Variants in GRIN2B observed in about 807,000 individuals in gnomAD.
GRIN2B encodes the protein glutamate receptor ionotropic, NMDA 2B.
In GRIN2B, 5 loss-of-function variants were observed where a neutral mutation model predicts 114.5. That is an observed-to-expected ratio of 0.04 (90% CI 0.02 to 0.09). The LOEUF is 0.09. Among genes scored for constraint, GRIN2B ranks in the 10% least tolerant of loss-of-function variants. The pLI, the probability that GRIN2B is intolerant of heterozygous loss-of-function variation, is 1.00. For missense variants in GRIN2B, 1,108 were observed against 1,943.5 expected (o/e 0.57, Z 8.08); for synonymous variants, 787 against 745.1 (o/e 1.06, Z -0.92).
chr12:13,594,080 T>A (rs544202774), intron 10 of GRIN2B, among the ~76,000 whole-genome samples: 2 of 152,168 alleles, frequency 1.3e-5, no homozygotes, highest in South Asian at 4.2e-4. Flanking sequence ...TTGGTGGGAG[T>A]GTAAATTAGT....
rs1024667863 is a variant in GRIN2B, at chr12:13,564,924, T to A, written c.2599-285A>T. 1.4e-4 allele frequency among the ~76,000 whole-genome samples: 21 copies of A among 152,220 alleles called. No individual in the cohort carries two copies. Among genetic ancestry groups the A allele is most frequent in the South Asian group, 2.1e-4 (1 of 4,834 alleles). ...GGGACTGGAATCATAAGATATGGCA[T>A]TTTTGCCTCAGCTTCACTGTTGACT... On this transcript the variant is annotated intron_variant, in intron 13 of 13. Coordinates refer to ENST00000609686, the MANE Select transcript of GRIN2B (RefSeq NM_000834.5). This position sits in a 1 kb window ranked among gnomAD's most constrained non-coding sequence, Gnocchi z 4.8.
intron 4 of GRIN2B, among the ~76,000 whole-genome samples, chr12:13,736,757 T>A (rs1318742237): frequency 6.6e-6 from 1 of 152,156 alleles, no homozygotes; most frequent in African/African-American, 2.4e-5. Flanking sequence ...GGGCCAATCA[T>A]GCCTGTAATC....
Position 13,736,142 on chromosome 12 carries a change from G to T in GRIN2B, c.1010+17175C>A, listed in dbSNP as rs10772707. On this transcript the variant is annotated intron_variant, in intron 4 of 13. Transcript: ENST00000609686. Reference sequence around the variant, plus strand: ...TCATCTCCCATAGAAAAGCGGGGGGGGGGGGGGGTTGGCGGGAATAAACAG... The same window carrying T: ...TCATCTCCCATAGAAAAGCGGGGGGTGGGGGGGGTTGGCGGGAATAAACAG... 1.6e-5 allele frequency among the ~76,000 whole-genome samples: 2 copies of T among 128,606 alleles called. 1 individual carries two copies. Among genetic ancestry groups the T allele is most frequent in the South Asian group, 5.8e-4 (2 of 3,464 alleles). 84.4% of individuals were successfully genotyped at this position (128,606 alleles called of 152,430 possible). A position where few individuals can be genotyped will look rare whatever the true frequency, so the allele number is the denominator to read the frequency against.
chr12:13,722,173 T>C lies in GRIN2B; in HGVS notation c.1010+31144A>G, dbSNP rs188031037. Among the ~76,000 whole-genome samples, 7 of 152,202 alleles carry C rather than the reference T, an allele frequency of 4.6e-5. No individual in the cohort carries two copies. In the East Asian group the frequency reaches 1.4e-3, roughly 29 times the overall value. ...GGTGAGGAAGTAGAGAAAGCAGCTA[T>C]AGACAACTCTTTCAAGATGTTTTGC... On this transcript the variant is annotated intron_variant, in intron 4 of 13. Coordinates refer to ENST00000609686, the MANE Select transcript of GRIN2B (RefSeq NM_000834.5).
At chr12:13,708,792 C>G (rs1277541520) in intron 4 of GRIN2B, among the ~76,000 whole-genome samples, 1 of 152,044 alleles carries the variant, frequency 6.6e-6, no homozygotes, top group Non-Finnish European at 1.5e-5. Context: ...TCAGTGTACA[C>G]TAGTGTTTTC....
At chr12:13,725,090 T>C (rs1591697884) in intron 4 of GRIN2B, among the ~76,000 whole-genome samples, 1 of 152,130 alleles carries the variant, frequency 6.6e-6, no homozygotes, top group East Asian at 1.9e-4. Flanking sequence ...GCTCTGTGCC[T>C]ACCAAAAGCC....
At chr12:13,847,922 G>T (rs1275577198) in intron 3 of GRIN2B, among the ~76,000 whole-genome samples, 1 of 152,156 alleles carries the variant, frequency 6.6e-6, no homozygotes, top group South Asian at 2.1e-4. Flanking sequence ...TCCTCTGCCA[G>T]ATTCTCTTCT....
At chr12:13,612,277 C>T (rs150279970) in intron 8 of GRIN2B, among the ~76,000 whole-genome samples, 14 of 152,340 alleles carry the variant, frequency 9.2e-5, no homozygotes, top group African/African-American at 3.4e-4. Flanking sequence ...CTTGCAGATA[C>T]AGTCTTTCTC....
intron 5 of GRIN2B, among the ~76,000 whole-genome samples, chr12:13,636,661 G>C (rs552538537): frequency 6.6e-6 from 1 of 152,308 alleles, no homozygotes; most frequent in South Asian, 2.1e-4. Context: ...TTGGGCCCAA[G>C]CCACTGGGTG....
Position 13,783,926 on chromosome 12 carries a change from T to C in GRIN2B, c.412-30011A>G, listed in dbSNP as rs562512277. Among the ~76,000 whole-genome samples, 3 of 151,866 alleles carry C rather than the reference T, an allele frequency of 2.0e-5. No individual in the cohort carries two copies. The South Asian group carries it at 6.3e-4, about 32-fold the overall frequency. ...AAGGCAAAATTGAATGTATACCTAA[T>C]AAAAAAACATATCCCGGCCGGGCGC... On this transcript the variant is annotated intron_variant, in intron 3 of 13. Coordinates refer to ENST00000609686, the MANE Select transcript of GRIN2B (RefSeq NM_000834.5).
intron 3 of GRIN2B, among the ~76,000 whole-genome samples, chr12:13,799,372 C>T (rs4140765): frequency 0.51 from 76,817 of 152,014 alleles, 20,754 homozygotes; most frequent in Non-Finnish European, 0.61. Context: ...CAGTCTCTTT[C>T]GCCCTTGTAT....
At chr12:13,880,313 C>T (rs183097839) in intron 2 of GRIN2B, among the ~76,000 whole-genome samples, 31 of 152,306 alleles carry the variant, frequency 2.0e-4, no homozygotes, top group African/African-American at 7.5e-4. Flanking sequence ...ATGAGAACAG[C>T]GTGGCCTGGC....
At chr12:13,783,973 C>T (rs2136657870) in intron 3 of GRIN2B, among the ~76,000 whole-genome samples, 1 of 152,162 alleles carries the variant, frequency 6.6e-6, no homozygotes, top group Non-Finnish European at 1.5e-5. Flanking sequence ...CCTGTAATCC[C>T]AGCACTTTGG....
chr12:13,716,522 T>C (rs1299411965), intron 4 of GRIN2B, among the ~76,000 whole-genome samples: 1 of 151,896 alleles, frequency 6.6e-6, no homozygotes, highest in Admixed American at 6.6e-5. Context: ...AAATGGGCCA[T>C]GCATTTCATT....
chr12:13,612,141 G>A (rs1949373633), intron 8 of GRIN2B, among the ~76,000 whole-genome samples: 1 of 152,204 alleles, frequency 6.6e-6, no homozygotes, highest in African/African-American at 2.4e-5. Context: ...AGTAAATGGT[G>A]CAATTGGAAG....
intron 2 of GRIN2B, among the ~76,000 whole-genome samples, chr12:13,910,591 G>A (rs1480961747): frequency 6.6e-6 from 1 of 152,102 alleles, no homozygotes; most frequent in Non-Finnish European, 1.5e-5. Flanking sequence ...TTATTGCAAA[G>A]GTCTCTAAAT....
intron 3 of GRIN2B, among the ~76,000 whole-genome samples, chr12:13,779,233 G>T (rs754757963): frequency 1.3e-5 from 2 of 152,004 alleles, no homozygotes; most frequent in African/African-American, 4.8e-5. Flanking sequence ...TAGTAGAGAC[G>T]GAGTTTCACC....
At chr12:13,888,591 G>T (rs112530097) in intron 2 of GRIN2B, among the ~76,000 whole-genome samples, 41 of 151,772 alleles carry the variant, frequency 2.7e-4, no homozygotes, top group African/African-American at 9.4e-4. Context: ...AAAATTAGCC[G>T]GGTGTGGTGG....
intron 12 of GRIN2B, among the ~76,000 whole-genome samples, chr12:13,569,139 C>T (rs1948676362): frequency 6.6e-6 from 1 of 152,124 alleles, no homozygotes; most frequent in South Asian, 2.1e-4. Context: ...TTGATTATAG[C>T]CTGCAACCCA....
Sources: allele counts gnomAD v4.1 joint callset (sites outside exome capture counted in the v4.1 genomes callset), GRCh38; gene constraint gnomAD v4.1.1; non-coding constraint Gnocchi (gnomAD v3.1); transcripts MANE v1.5; gene names NCBI Gene and HGNC (gene_info 2026-07-23, HGNC 2026-07-21).